SCFD2: variants seen among roughly 807,000 people sequenced by gnomAD.
The protein encoded by SCFD2 is sec1 family domain containing 2, also known as sec1 family domain-containing protein 2.
Under a neutral mutation model 58.9 loss-of-function variants are expected in SCFD2, and 54 were observed. That is an observed-to-expected ratio of 0.92 (90% CI 0.74 to 1.15). The LOEUF is 1.15. Ranked by LOEUF, SCFD2 falls within the 50% of genes most tolerant of loss-of-function variation. The pLI is 0.00. For missense variants in SCFD2, 805 were observed against 836.6 expected, an observed-to-expected ratio of 0.96 and a Z score of 0.47; for synonymous variants, 321 against 335.9, an observed-to-expected ratio of 0.96 and a Z score of 0.49.
rs371054169 is a variant in SCFD2 at position 53,352,674 on chromosome 4, T to C, written c.931A>G (p.Met311Val). The change falls in exon 2 of 9, where the codon ATG becomes GTG. Residue 311 changes from methionine to valine, a missense_variant. Physicochemically the swap from Met to Val is conservative, Grantham distance 21. Around this residue, in one of 3 missense-constraint regions of SCFD2, gnomAD observed 633 missense variants for 646.8 expected, o/e 0.98. Coordinates refer to ENST00000401642, the MANE Select transcript of SCFD2 (RefSeq NM_152540.4). ...PGHTNDVMVN[M>V]IALTALHTEE... The stretch of plus-strand genomic sequence containing the variant: ...GTATGGAGTGCAGTGAGCGCTATCA[T>C]GTTAACCATCACATCATTTGTGTGG... 47 of 1,613,950 alleles carry C rather than the reference T, an allele frequency of 2.9e-5. No homozygotes were observed. Among genetic ancestry groups the C allele is most frequent in the Non-Finnish European group, 3.6e-5 (43 of 1,179,942 alleles).
At chr4:53,189,382 A>G (rs1007420736) in intron 4 of SCFD2, among the ~76,000 whole-genome samples, 8 of 152,154 alleles carry the variant, frequency 5.3e-5, no homozygotes, top group African/African-American at 1.7e-4. Context: ...GGGGGAAAGG[A>G]AAGTTAGATG....
chr4:53,199,973 GGAGA>G (rs111546825), intron 4 of SCFD2, among the ~76,000 whole-genome samples: 2 of 151,198 alleles, frequency 1.3e-5, no homozygotes, highest in African/African-American at 4.9e-5. Flanking sequence ...AGCAAGAGAG[GGAGA>G]GAGAGAGAGA....
chr4:52,971,245 T>C (rs912611028), intron 5 of SCFD2, among the ~76,000 whole-genome samples: 1 of 152,080 alleles, frequency 6.6e-6, no homozygotes, highest in Admixed American at 6.5e-5. Context: ...TTTGAACCCA[T>C]GGCAAAGAAG....
At chr4:52,965,606 C>T (rs954024493) in intron 5 of SCFD2, among the ~76,000 whole-genome samples, 2 of 152,200 alleles carry the variant, frequency 1.3e-5, no homozygotes, top group African/African-American at 4.8e-5. Flanking sequence ...GAGCAGAGCA[C>T]CCATGGAGGC....
intron 5 of SCFD2, among the ~76,000 whole-genome samples, chr4:52,973,165 A>G (rs1721153488): frequency 6.6e-6 from 1 of 152,176 alleles, no homozygotes; most frequent in Admixed American, 6.5e-5. Context: ...AATAACTAAG[A>G]TCAGAGCAGA....
At chr4:53,122,556 TG>T (rs1401013447) in intron 5 of SCFD2, among the ~76,000 whole-genome samples, 1 of 151,780 alleles carries the variant, frequency 6.6e-6, no homozygotes, top group Non-Finnish European at 1.5e-5. Context: ...AATAAATAGG[TG>T]GGGAGGGAAT....
intron 5 of SCFD2, among the ~76,000 whole-genome samples, chr4:53,008,288 T>C (rs1195899624): frequency 2.0e-5 from 3 of 151,984 alleles, no homozygotes; most frequent in Non-Finnish European, 2.9e-5. Context: ...CCAGAAACCA[T>C]AGGGCAAGAG....
Position 53,074,850 on chromosome 4 carries a change from A to G in SCFD2, c.1561+70483T>C, listed in dbSNP as rs150258062. The stretch of plus-strand genomic sequence containing the variant: ...AGAACACAGGCAGAAAAGATTTAGC[A>G]TAATTGTTAAGGCCCCTAAAATTTT... On this transcript the variant is annotated intron_variant, in intron 5 of 8. Transcript: ENST00000401642. Among the ~76,000 whole-genome samples, 49 of 152,338 alleles carry G rather than the reference A, an allele frequency of 3.2e-4. No individual in the cohort carries two copies. In the East Asian group the frequency reaches 8.1e-3, roughly 25 times the overall value.
intron 6 of SCFD2, among the ~76,000 whole-genome samples, chr4:52,917,262 G>C (rs906793915): frequency 1.3e-5 from 2 of 152,098 alleles, no homozygotes; most frequent in Admixed American, 1.3e-4. Flanking sequence ...ATTTTTATGA[G>C]AGAGCAACTA....
chr4:53,258,889 AT>A (rs564027586), intron 4 of SCFD2, among the ~76,000 whole-genome samples: 1 of 151,470 alleles, frequency 6.6e-6, no homozygotes, highest in Admixed American at 6.6e-5. Flanking sequence ...ACCAATATCT[AT>A]TTTTTTATTT....
intron 7 of SCFD2, among the ~76,000 whole-genome samples, chr4:52,900,146 A>T (rs1719147313): frequency 6.6e-6 from 1 of 151,954 alleles, no homozygotes; most frequent in Admixed American, 6.5e-5. Context: ...TTCCTCTCTC[A>T]ACTCGTCAAA....
At chr4:53,282,298 T>C (rs1731530288) in intron 3 of SCFD2, among the ~76,000 whole-genome samples, 1 of 152,206 alleles carries the variant, frequency 6.6e-6, no homozygotes, top group Non-Finnish European at 1.5e-5. Context: ...ATGGGCCTTC[T>C]AGATTGCTTC....
chr4:53,289,289 C>G (rs1488909315), intron 3 of SCFD2, among the ~76,000 whole-genome samples: 1 of 152,120 alleles, frequency 6.6e-6, no homozygotes, highest in African/African-American at 2.4e-5. Context: ...TAGCTTGAAC[C>G]TGGGAGACAG....
At chr4:53,036,869 G>C (rs1407070939) in intron 5 of SCFD2, among the ~76,000 whole-genome samples, 1 of 152,076 alleles carries the variant, frequency 6.6e-6, no homozygotes, top group Non-Finnish European at 1.5e-5. Flanking sequence ...ACATCTACAT[G>C]ATTCCATTTT....
At chr4:53,128,288 G>A (rs1431992842) in intron 5 of SCFD2, among the ~76,000 whole-genome samples, 2 of 152,096 alleles carry the variant, frequency 1.3e-5, no homozygotes, top group Non-Finnish European at 2.9e-5. Context: ...TCTAAATTCT[G>A]TATATAGCTG....
chr4:52,885,801 G>T lies in SCFD2; in HGVS notation c.1908C>A (p.Val636=). 1 of 1,614,116 alleles carries T rather than the reference G, an allele frequency of 6.2e-7. No individual in the cohort carries two copies. The highest frequency in any genetic ancestry group is 1.1e-5 in the South Asian group (1 of 91,060). The change falls in exon 8 of 9, where the codon GTC becomes GTA. Residue 636 remains valine (V), a synonymous_variant. Transcript: ENST00000401642. ...GATCTTTGACCATTTTCACTTCAGA[G>T]ACTGTGACCCCACCTACCACAAAGA... ...LILFVVGGVT[V]SEVKMVKDLV...
intron 5 of SCFD2, among the ~76,000 whole-genome samples, chr4:53,050,748 G>A (rs1386933766): frequency 6.6e-6 from 1 of 152,170 alleles, no homozygotes; most frequent in African/African-American, 2.4e-5. Flanking sequence ...TACCTCAAAT[G>A]TTTTATTTCG....
At chr4:53,039,713 A>G (rs1722849430) in intron 5 of SCFD2, among the ~76,000 whole-genome samples, 1 of 152,156 alleles carries the variant, frequency 6.6e-6, no homozygotes, top group South Asian at 2.1e-4. Context: ...CTTTTCATAC[A>G]TTATCTTTTT....
At chr4:53,117,752 G>C (rs1725366331) in intron 5 of SCFD2, among the ~76,000 whole-genome samples, 2 of 152,096 alleles carry the variant, frequency 1.3e-5, no homozygotes, top group South Asian at 4.2e-4. Context: ...TTATATTTTA[G>C]AAAAACCTTC....
Sources: gnomAD v4.1 joint callset for allele counts (sites outside exome capture counted in the v4.1 genomes callset) on GRCh38, gnomAD v4.1.1 for gene constraint, gnomAD v4.1.1 regional missense constraint, MANE v1.5 for transcripts, NCBI Gene and HGNC (gene_info 2026-07-23, HGNC 2026-07-21) for gene names.